Variants in STK32B observed in about 807,000 individuals in gnomAD.
STK32B encodes the protein serine/threonine kinase 32B, also known as serine/threonine-protein kinase 32B.
In STK32B, 43 loss-of-function variants were observed where a neutral mutation model predicts 52.6. The ratio of observed to expected loss-of-function variants is 0.82; its 90% confidence interval spans 0.64 to 1.05. The LOEUF (loss-of-function observed/expected upper bound fraction) is 1.05, where lower values mean the gene tolerates loss of function less well. Among genes scored for constraint, STK32B ranks in the 50% least tolerant of loss-of-function variants. The pLI, the probability that STK32B is intolerant of heterozygous loss-of-function variation, is 0.00. For synonymous variants in STK32B, 238 were observed against 204.3 expected (o/e 1.17, Z -1.41); for missense variants, 621 against 534.6 (o/e 1.16, Z -1.59).
chr4:5,316,202 TAA>T (rs1730687410), intron 3 of STK32B, among the ~76,000 whole-genome samples: 1 of 93,868 alleles, frequency 1.1e-5, no homozygotes, highest in Non-Finnish European at 1.8e-5. Flanking sequence ...TTTAGATATA[TAA>T]TATATATTAC....
the STK32B span, among the ~76,000 whole-genome samples, chr4:5,028,875 A>G: frequency 6.6e-5 from 10 of 152,242 alleles, no homozygotes; most frequent in Non-Finnish European, 1.5e-5. Flanking sequence ...TCGGTAAGCT[A>G]TACAGGAAGC....
chr4:5,167,208 C>T (rs1718946041), intron 2 of STK32B, among the ~76,000 whole-genome samples: 1 of 152,184 alleles, frequency 6.6e-6, no homozygotes, highest in Non-Finnish European at 1.5e-5. Context: ...CCCAACTGCC[C>T]CCAGGTAAGG....
At chr4:5,473,992 TAATC>T (rs1330657157) in intron 11 of STK32B, among the ~76,000 whole-genome samples, 1 of 151,998 alleles carries the variant, frequency 6.6e-6, no homozygotes, top group Non-Finnish European at 1.5e-5. Flanking sequence ...TACATACCTG[TAATC>T]CCAGCTACTT....
chr4:5,372,495 T>C (rs1416691146), intron 4 of STK32B, among the ~76,000 whole-genome samples: 1 of 152,132 alleles, frequency 6.6e-6, no homozygotes, highest in Non-Finnish European at 1.5e-5. Context: ...GACACGGCCA[T>C]TACTATTCAA....
rs58235629 is a variant in STK32B at position 5,404,863 on chromosome 4, ATTT to A, written c.472+6638_472+6640del. Among the ~76,000 whole-genome samples, 888 of 113,160 alleles carry A rather than the reference ATTT, an allele frequency of 7.8e-3. 17 individuals carry two copies. The highest frequency in any genetic ancestry group is 0.03 in the African/African-American group (847 of 27,928). 74.2% of individuals were successfully genotyped at this position (113,160 alleles called of 152,430 possible). ...AACACCCCTGTGTTCTCTGTATGCG[ATTT>A]TTTTTTTTTTTTTTTTTTGAGATGG... is the stretch of plus-strand genomic sequence containing the variant. On this transcript the variant is annotated intron_variant, in intron 5 of 11. Transcript: ENST00000282908.
At chr4:5,138,233 C>T (rs1171444593) in intron 1 of STK32B, among the ~76,000 whole-genome samples, 1 of 152,206 alleles carries the variant, frequency 6.6e-6, no homozygotes, top group Non-Finnish European at 1.5e-5. Flanking sequence ...GTTAGGCATT[C>T]GACCTCACGC....
At chr4:5,462,264 CTGTA>C (rs1242643716) in intron 9 of STK32B, among the ~76,000 whole-genome samples, 6 of 149,352 alleles carry the variant, frequency 4.0e-5, no homozygotes, top group Admixed American at 6.7e-5. Context: ...GTTTTTGTGT[CTGTA>C]TGTGTGTGTG....
At chr4:5,208,850 T>C (rs1209015365) in intron 3 of STK32B, among the ~76,000 whole-genome samples, 1 of 152,264 alleles carries the variant, frequency 6.6e-6, no homozygotes, top group East Asian at 1.9e-4. Flanking sequence ...GATATGATTA[T>C]TTTGTCTTGT....
intron 3 of STK32B, among the ~76,000 whole-genome samples, chr4:5,200,375 T>A (rs562074399): frequency 2.6e-5 from 4 of 152,134 alleles, no homozygotes; most frequent in African/African-American, 9.6e-5. Context: ...CCACCTAAAG[T>A]CATTTGCTGA....
chr4:5,424,750 G>A (rs1270985256), intron 6 of STK32B, among the ~76,000 whole-genome samples: 1 of 151,966 alleles, frequency 6.6e-6, no homozygotes, highest in East Asian at 1.9e-4. Flanking sequence ...CTGCTGAATG[G>A]TGGGAGTGAA....
intron 3 of STK32B, among the ~76,000 whole-genome samples, chr4:5,169,644 A>G (rs575428151): frequency 6.6e-6 from 1 of 151,892 alleles, no homozygotes; most frequent in Non-Finnish European, 1.5e-5. Context: ...CTGGAGTCTC[A>G]GTATCCACCG....
rs914564493 is a variant in STK32B at position 5,370,973 on chromosome 4, A to AAT, written c.435-27223_435-27222dup. Among the ~76,000 whole-genome samples the AAT allele has an allele frequency of 1.9e-3, 235 of 123,650 alleles. 1 individual carries two copies. The highest frequency in any genetic ancestry group is 6.6e-3 in the African/African-American group (181 of 27,466). The allele number at this position is 123,650 out of a possible 152,430, so 81.1% of individuals were successfully genotyped here. ...AGGTGACGAAGCAAGACACTATCTA[A>AAT]ATATATATATATGTGTGTGTGTGTA... On this transcript the variant is annotated intron_variant, in intron 4 of 11. Coordinates refer to ENST00000282908, the MANE Select transcript of STK32B (RefSeq NM_018401.3).
At chr4:5,057,901 A>G (rs901789193) in intron 1 of STK32B, among the ~76,000 whole-genome samples, 2 of 152,226 alleles carry the variant, frequency 1.3e-5, no homozygotes, top group African/African-American at 4.8e-5. Flanking sequence ...AACAGTGAGG[A>G]CACATAGTTT....
intron 3 of STK32B, among the ~76,000 whole-genome samples, chr4:5,272,174 A>G (rs371426981): frequency 0.015 from 2,068 of 138,390 alleles, 12 homozygotes; most frequent in African/African-American, 0.033. Flanking sequence ...TTTGAAATAC[A>G]TCCCATCAAT....
chr4:5,390,076 G>A (rs1736504484), intron 4 of STK32B, among the ~76,000 whole-genome samples: 1 of 152,206 alleles, frequency 6.6e-6, no homozygotes, highest in Non-Finnish European at 1.5e-5. Flanking sequence ...TTGCCCCTGA[G>A]GTTCACTTTG....
Position 5,460,264 on chromosome 4 carries a change from T to G in STK32B, c.909+36T>G. On this transcript the variant is annotated intron_variant, in intron 9 of 11. Transcript: ENST00000282908. The surrounding 1 kb of genome is among the most constrained non-coding windows in gnomAD (Gnocchi z 4.8). Reference sequence around the variant, plus strand: ...GTCCCACCTGATGTCATGCCACCCCTCTGCAGGGTCCCCGCCTTGGTGCAA... The same window carrying G: ...GTCCCACCTGATGTCATGCCACCCCGCTGCAGGGTCCCCGCCTTGGTGCAA... 6.3e-7 allele frequency: 1 copy of G among 1,587,234 alleles called. No homozygotes were observed. The highest frequency in any genetic ancestry group is 8.6e-7 in the Non-Finnish European group (1 of 1,166,648).
rs144443080 is a variant in STK32B at position 5,402,731 on chromosome 4, C to T, written c.472+4487C>T. On this transcript the variant is annotated intron_variant, in intron 5 of 11. Transcript: ENST00000282908. ...ACAGTTCCCAGGTGGATCTAATCTG[C>T]AGCCAAGGCTGTGGGAGGAGTGGAA... Among the ~76,000 whole-genome samples, 30 of 152,326 alleles carry T rather than the reference C, an allele frequency of 2.0e-4. No homozygotes were observed. The East Asian group carries it at 5.4e-3, about 28-fold the overall frequency.
chr4:5,349,220 C>T (rs1189218271), intron 4 of STK32B, among the ~76,000 whole-genome samples: 1 of 152,078 alleles, frequency 6.6e-6, no homozygotes, highest in Non-Finnish European at 1.5e-5. Context: ...TATATGCCAC[C>T]CTGGGGCCCA....
intron 4 of STK32B, among the ~76,000 whole-genome samples, chr4:5,370,955 G>A (rs963540982): frequency 6.7e-6 from 1 of 148,244 alleles, no homozygotes. Flanking sequence ...CCTAGGTGAC[G>A]AAGCAAGACA....
Sources: gnomAD v4.1 joint callset for allele counts (sites outside exome capture counted in the v4.1 genomes callset) on GRCh38, gnomAD v4.1.1 for gene constraint, Gnocchi (gnomAD v3.1) non-coding constraint, MANE v1.5 for transcripts, NCBI Gene and HGNC (gene_info 2026-07-23, HGNC 2026-07-21) for gene names.